EFCAB13: variants seen among roughly 807,000 people sequenced by gnomAD.
EFCAB13 encodes the protein EF-hand calcium binding domain 13.
In EFCAB13, 91 loss-of-function variants were observed where a neutral mutation model predicts 110.2. The observed-to-expected ratio is 0.83, with a 90% confidence interval of 0.70 to 0.98. The LOEUF (loss-of-function observed/expected upper bound fraction) is 0.98, where lower values mean the gene tolerates loss of function less well. EFCAB13 is among the 50% of genes least tolerant of loss of function. The pLI is 0.00. For synonymous variants in EFCAB13, 323 were observed against 369.9 expected (o/e 0.87, Z 1.45); for missense variants, 968 against 1,119.4 (o/e 0.86, Z 1.93).
At chr17:47,409,624 A>G in intron 20 of EFCAB13, 23 bp from the exon 21 acceptor site, 1 of 1,591,318 alleles carries the variant, frequency 6.3e-7, no homozygotes, top group Non-Finnish European at 8.6e-7. Context: ...CTCATTGTGT[A>G]ATGTCTCTCT....
At chr17:47,343,838 G>C (rs1488932998) in intron 6 of EFCAB13, among the ~76,000 whole-genome samples, 1 of 151,996 alleles carries the variant, frequency 6.6e-6, no homozygotes, top group African/African-American at 2.4e-5. Flanking sequence ...CCTAGAGTCT[G>C]GTGGCTGAGT....
chr17:47,421,216 G>A (rs2143493746), intron 23 of EFCAB13, among the ~76,000 whole-genome samples: 1 of 152,142 alleles, frequency 6.6e-6, no homozygotes, highest in East Asian at 1.9e-4. Flanking sequence ...GGGAAAGGTG[G>A]GGAAAAGATT....
chr17:47,424,896 T>TTTTTTTTTTTTTTTTTTTTTTTTTTTTTG (rs1567807243), intron 23 of EFCAB13, among the ~76,000 whole-genome samples: 1 of 84,508 alleles, frequency 1.2e-5, no homozygotes, highest in African/African-American at 6.0e-5. Context: ...TTTTTTTTTT[T>TTTTTTTTTTTTTTTTTTTTTTTTTTTTTG]TTTTGAGACG....
At chr17:47,401,503 C>A (rs936621024) in intron 17 of EFCAB13, among the ~76,000 whole-genome samples, 2 of 152,076 alleles carry the variant, frequency 1.3e-5, no homozygotes, top group African/African-American at 4.8e-5. Flanking sequence ...GAATTTTTAT[C>A]TTCAAACAAT....
intron 14 of EFCAB13, among the ~76,000 whole-genome samples, chr17:47,389,834 G>A (rs1382052779): frequency 6.6e-6 from 1 of 152,040 alleles, no homozygotes; most frequent in Non-Finnish European, 1.5e-5. Flanking sequence ...TTTGCTTAAG[G>A]TGACTTGCTG....
rs559515770 is a variant in EFCAB13 at position 47,391,814 on chromosome 17, TTAAA to T, written c.1726+238_1726+241del. On this transcript the variant is annotated intron_variant, in intron 15 of 24. Transcript: ENST00000331493. ...AAAAAAAATTTTATTTATTTATTCT[TTAAA>T]TAATCTTTTCAAGATTTTTTTTCCT... 9.5e-4 allele frequency among the ~76,000 whole-genome samples: 145 copies of T among 152,196 alleles called. 4 individuals carry two copies. In the South Asian group the frequency reaches 0.028, roughly 30 times the overall value.
chr17:47,371,028 C>T (rs1415197105), intron 11 of EFCAB13, among the ~76,000 whole-genome samples: 4 of 149,378 alleles, frequency 2.7e-5, no homozygotes, highest in African/African-American at 9.8e-5. Flanking sequence ...GCGTGAGCCA[C>T]CGCGTCTGGC....
intron 23 of EFCAB13, among the ~76,000 whole-genome samples, chr17:47,428,548 G>A (rs1905035786): frequency 1.1e-5 from 1 of 91,296 alleles, no homozygotes; most frequent in African/African-American, 4.3e-5. Context: ...AAAACCAATA[G>A]AGTAGAATAC....
intron 3 of EFCAB13, among the ~76,000 whole-genome samples, chr17:47,326,976 A>T (rs1480380034): frequency 1.3e-5 from 2 of 152,260 alleles, no homozygotes; most frequent in African/African-American, 4.8e-5. Flanking sequence ...ACTGATGATT[A>T]TAACTAGCAA....
chr17:47,364,443 G>C (rs1039162387), intron 10 of EFCAB13, among the ~76,000 whole-genome samples: 3 of 152,112 alleles, frequency 2.0e-5, no homozygotes, highest in African/African-American at 7.2e-5. Flanking sequence ...CCTCCGAGTA[G>C]CTGGGATTAC....
chr17:47,366,674 G>A (rs188840956), intron 10 of EFCAB13, among the ~76,000 whole-genome samples: 309 of 152,196 alleles, frequency 2.0e-3, no homozygotes, highest in African/African-American at 7.0e-3. Flanking sequence ...ATTCTTTAAG[G>A]TTTTGCTAAG....
rs867259494 is a variant in EFCAB13, at chr17:47,384,165, T to C, written c.1582+4912T>C. 7.7e-3 allele frequency among the ~76,000 whole-genome samples: 1,163 copies of C among 151,514 alleles called. 10 individuals are homozygous for C. The highest frequency in any genetic ancestry group is 0.024 in the African/African-American group (990 of 41,358). ...CCCCAGTTTTTTTTTTTTGTTTTTTTTTTTTTGCTTTCCATTTGCTTGGTG... is the reference window on the plus strand; with the variant it reads ...CCCCAGTTTTTTTTTTTTGTTTTTTCTTTTTTGCTTTCCATTTGCTTGGTG... On this transcript the variant is annotated intron_variant, in intron 14 of 24. Transcript: ENST00000331493.
At chr17:47,333,647 A>G (rs1237280737) in intron 4 of EFCAB13, among the ~76,000 whole-genome samples, 1 of 152,168 alleles carries the variant, frequency 6.6e-6, no homozygotes, top group East Asian at 1.9e-4. Context: ...ATTTTTCTGC[A>G]GAAGGATATC....
chr17:47,377,845 A>C lies in EFCAB13; in HGVS notation c.1452A>C (p.Thr484=), dbSNP rs374058010. ...AACTTCAGTCTATTTTGCCTTCAAC[A>C]GGAATTAATTTATTAGATGAAGAAT... ...AEELQSILPS[T]GINLLDEEFQ... is the part of the protein sequence containing the mutation. Residue 484 remains threonine, a synonymous_variant, in exon 13 of 25, where the codon ACA becomes ACC. Transcript: ENST00000331493. 1 of 1,598,092 alleles carries C rather than the reference A, an allele frequency of 6.3e-7. No individual in the cohort carries two copies. Among genetic ancestry groups the C allele is most frequent in the Non-Finnish European group, 8.5e-7 (1 of 1,176,126 alleles).
chr17:47,425,325 G>C (rs1235764323), intron 23 of EFCAB13, among the ~76,000 whole-genome samples: 1 of 152,142 alleles, frequency 6.6e-6, no homozygotes, highest in Admixed American at 6.5e-5. Context: ...TGATGAATCA[G>C]ATTCTGATTC....
Position 47,394,088 on chromosome 17 carries a change from C to G in EFCAB13, c.1790C>G (p.Ser597Cys), listed in dbSNP as rs2065724555. 6.6e-7 allele frequency: 1 copy of G among 1,524,530 alleles called. No individual in the cohort carries two copies. Among genetic ancestry groups the G allele is most frequent in the Non-Finnish European group, 8.8e-7 (1 of 1,138,498 alleles). The allele number at this position is 1,524,530 out of a possible 1,614,324, so 94.4% of individuals were successfully genotyped here. ...DTMMSNTECF[S>C]EKLVLPDAIE... is the part of the protein sequence containing the mutation. ...ATGATGAGCAACACGGAATGCTTCT[C>G]TGAAAAATTAGGTACGTAAGAATAT... The change falls in exon 16 of 25, where the codon TCT becomes TGT. Residue 597 changes from serine (S) to cysteine (C), a missense_variant. Physicochemically the swap from Ser to Cys is moderately radical, Grantham distance 112. Transcript: ENST00000331493.
chr17:47,404,113 A>G, intron 19 of EFCAB13, 92 bp downstream of exon 19: 2 of 1,023,390 alleles, frequency 2.0e-6, no homozygotes, highest in South Asian at 2.0e-5. Flanking sequence ...GTTACTATAA[A>G]TGTAATCTTT....
intron 17 of EFCAB13, among the ~76,000 whole-genome samples, chr17:47,397,742 C>T (rs1460670255): frequency 6.6e-6 from 1 of 151,592 alleles, no homozygotes; most frequent in South Asian, 2.1e-4. Context: ...TGCCCGGCCG[C>T]CCCGTCTGAG....
chr17:47,417,716 T>A (rs537052708), intron 23 of EFCAB13, among the ~76,000 whole-genome samples: 1 of 152,226 alleles, frequency 6.6e-6, no homozygotes, highest in Non-Finnish European at 1.5e-5. Context: ...ATCTCTTTCA[T>A]GATCTCCTTG....
Sources: allele counts gnomAD v4.1 joint callset (sites outside exome capture counted in the v4.1 genomes callset), GRCh38; gene constraint gnomAD v4.1.1; transcripts MANE v1.5; gene names NCBI Gene and HGNC (gene_info 2026-07-23, HGNC 2026-07-21).